The following DMD variants were observed in gnomAD, a reference collection of about 807,000 sequenced individuals.
DMD encodes the protein dystrophin, also known as mutant dystrophin.
In DMD, 63 loss-of-function variants were observed where a neutral mutation model predicts 330.1. The ratio of observed to expected loss-of-function variants is 0.19; its 90% CI spans 0.16 to 0.24. DMD has a LOEUF of 0.24. Among genes scored for constraint, DMD ranks in the 10% least tolerant of loss-of-function variants. The pLI is 1.00. For synonymous variants in DMD, 1,223 were observed against 959.8 expected (o/e 1.27, Z -5.07); for missense variants, 3,344 against 2,684.1 (o/e 1.25, Z -5.43).
rs147037906 is a variant in DMD at position 32,276,203 on chromosome X, G to A, written c.6290+11326C>T. Among the ~76,000 whole-genome samples the A allele has an allele frequency of 7.0e-3, 787 of 112,419 alleles. 9 individuals are homozygous for A. The highest frequency in any genetic ancestry group is 0.024 in the African/African-American group (735 of 31,008). On this transcript the variant is annotated intron_variant, in intron 43 of 78. Transcript: ENST00000357033. Reference sequence around the variant, plus strand: ...AACTAGCCCCAGCCAGAAGGGAATCGCCCATCCCAGCAGTCAGAACTCAAG... The same window carrying A: ...AACTAGCCCCAGCCAGAAGGGAATCACCCATCCCAGCAGTCAGAACTCAAG...
intron 7 of DMD, among the ~76,000 whole-genome samples, chrX:32,797,560 G>C (rs180723517): frequency 1.4e-3 from 154 of 112,200 alleles, no homozygotes; most frequent in South Asian, 2.6e-3. Flanking sequence ...AATATCTCAT[G>C]TATTCCTTCA....
intron 1 of DMD, among the ~76,000 whole-genome samples, chrX:33,248,418 A>G (rs1302127421): frequency 2.7e-5 from 3 of 112,249 alleles, no homozygotes; most frequent in East Asian, 5.6e-4. Context: ...ATTTTTTTCT[A>G]TGAGGAAATT....
chrX:32,276,503 TAA>T (rs912307998), intron 43 of DMD, among the ~76,000 whole-genome samples: 3 of 111,508 alleles, frequency 2.7e-5, no homozygotes, highest in African/African-American at 9.8e-5. Context: ...GAGTGAAAAG[TAA>T]AGAGGATTCT....
intron 67 of DMD, among the ~76,000 whole-genome samples, chrX:31,187,476 T>C (rs2041878467): frequency 8.9e-6 from 1 of 111,851 alleles, no homozygotes; most frequent in Admixed American, 9.5e-5. Flanking sequence ...CTTTCTTTTG[T>C]TCTGTACCGT....
chrX:31,687,197 T>C (rs1603447170), intron 52 of DMD, among the ~76,000 whole-genome samples: 1 of 111,756 alleles, frequency 8.9e-6, no homozygotes. Context: ...GGACTTGGCC[T>C]CTGAGATGTG....
chrX:32,309,213 C>A (rs1370014510), intron 42 of DMD, among the ~76,000 whole-genome samples: 1 of 111,378 alleles, frequency 9.0e-6, no homozygotes, highest in Non-Finnish European at 1.9e-5. Context: ...TTCATACAGG[C>A]AAATGTGTGA....
intron 44 of DMD, among the ~76,000 whole-genome samples, chrX:32,118,832 C>T (rs1037281712): frequency 1.8e-5 from 2 of 110,721 alleles, no homozygotes; most frequent in Admixed American, 9.6e-5. Flanking sequence ...AAAACTGTTG[C>T]ACCTCAGATC....
At chrX:32,949,284 A>G (rs866988852) in intron 2 of DMD, among the ~76,000 whole-genome samples, 1 of 98,330 alleles carries the variant, frequency 1.0e-5, no homozygotes, top group Non-Finnish European at 2.0e-5. Flanking sequence ...ACACACACAC[A>G]CACACACGCA....
rs147589273 is a variant in DMD at position 33,240,568 on chromosome X, C to T, written c.7+98691G>A. Among the ~76,000 whole-genome samples the T allele has an allele frequency of 5.3e-3, 595 of 111,937 alleles. 4 individuals are homozygous for T. The highest frequency in any genetic ancestry group is 0.018 in the African/African-American group (568 of 30,824). On this transcript the variant is annotated intron_variant, in intron 1 of 17. Coordinates refer to the DMD transcript ENST00000288447. Reference sequence around the variant, plus strand: ...TCAACGTGTTGATTTCATTTCCTTTCGGTATATAGCCAGTAGTGGGACTGC... The same window carrying T: ...TCAACGTGTTGATTTCATTTCCTTTTGGTATATAGCCAGTAGTGGGACTGC...
rs1158695925 is a variant in DMD at position 31,507,286 on chromosome X, G to A, written c.8385C>T (p.Asn2795=). The change falls in exon 56 of 79, where the codon AAC becomes AAT. Residue 2795 remains asparagine, a synonymous_variant. Coordinates refer to ENST00000357033, the MANE Select transcript of DMD (RefSeq NM_004006.3). ...TGCTCCACATCTTTTCCTACCTAAT[G>A]TTGAGAGACTTTTTCCGAAGTTCAC... ...KWSELRKKSL[N]IRSHLEASSD... is the part of the protein sequence containing the mutation. 3 of 1,209,767 alleles carry A rather than the reference G, an allele frequency of 2.5e-6. No individual in the cohort carries two copies. Among genetic ancestry groups the A allele is most frequent in the Non-Finnish European group, 2.2e-6 (2 of 894,997 alleles).
chrX:32,636,406 G>T (rs953814193), intron 11 of DMD, among the ~76,000 whole-genome samples: 1 of 111,683 alleles, frequency 9.0e-6, no homozygotes. Context: ...GAAGGAAAAT[G>T]TTCCAGTTTT....
At chrX:33,256,841 C>G (rs933768866) in intron 1 of DMD, among the ~76,000 whole-genome samples, 1 of 110,527 alleles carries the variant, frequency 9.0e-6, no homozygotes, top group Admixed American at 9.7e-5. Context: ...GATATTGTTA[C>G]TATGCAGACC....
chrX:31,369,951 T>A (rs1011793037), intron 60 of DMD, among the ~76,000 whole-genome samples: 14 of 109,642 alleles, frequency 1.3e-4, no homozygotes, highest in African/African-American at 4.7e-4. Flanking sequence ...TACAAAAAAT[T>A]AGCTGGGTGT....
intron 54 of DMD, among the ~76,000 whole-genome samples, chrX:31,646,672 G>T (rs1460174365): frequency 9.0e-6 from 1 of 111,617 alleles, no homozygotes; most frequent in Non-Finnish European, 1.9e-5. Flanking sequence ...TCAGCTGTAG[G>T]TAACAATCTT....
intron 45 of DMD, among the ~76,000 whole-genome samples, chrX:31,933,427 T>C (rs2094884084): frequency 1.8e-5 from 2 of 112,565 alleles, no homozygotes; most frequent in South Asian, 3.6e-4. Context: ...TATAACTCTA[T>C]GCTAATTAGC....
intron 2 of DMD, among the ~76,000 whole-genome samples, chrX:32,997,480 G>A (rs1395056456): frequency 8.9e-6 from 1 of 111,756 alleles, no homozygotes; most frequent in Non-Finnish European, 1.9e-5. Context: ...TCCTGACCTC[G>A]TGATCTGCCT....
intron 30 of DMD, among the ~76,000 whole-genome samples, chrX:32,410,232 G>A (rs934865439): frequency 2.7e-5 from 3 of 111,061 alleles, no homozygotes; most frequent in African/African-American, 9.8e-5. Context: ...ATTTACTCTT[G>A]TTGCCCAGTG....
intron 27 of DMD, among the ~76,000 whole-genome samples, chrX:32,446,454 C>G (rs1459265420): frequency 9.2e-6 from 1 of 109,175 alleles, no homozygotes; most frequent in Non-Finnish European, 1.9e-5. Context: ...TCAACTGCAT[C>G]ATTATCCAAT....
At chrX:31,574,664 A>C (rs1181780582) in intron 55 of DMD, among the ~76,000 whole-genome samples, 4 of 111,261 alleles carry the variant, frequency 3.6e-5, no homozygotes, top group Non-Finnish European at 7.5e-5. Context: ...CTTCTCTGGG[A>C]GTTTAACAAC....
Sources: gnomAD v4.1 joint callset for allele counts (sites outside exome capture counted in the v4.1 genomes callset) on GRCh38, gnomAD v4.1.1 for gene constraint, MANE v1.5 for transcripts, NCBI Gene and HGNC (gene_info 2026-07-23, HGNC 2026-07-21) for gene names.